Variants in USH2A observed in about 807,000 individuals in gnomAD.
USH2A encodes the protein usherin, also known as Usher syndrome 2A (autosomal recessive, mild).
USH2A carries 443 observed loss-of-function variants against 538.9 expected under a neutral mutation model. The ratio of observed to expected loss-of-function variants is 0.82; its 90% CI spans 0.76 to 0.89. USH2A has a LOEUF of 0.89. Among genes scored for constraint, USH2A ranks in the 40% least tolerant of loss-of-function variants. The probability of loss-of-function intolerance (pLI) is 0.00; values close to 1 mark genes in which losing one functional copy is unlikely to be tolerated. For missense variants in USH2A, 6,633 were observed against 6,324.8 expected (o/e 1.05, Z -1.65); for synonymous variants, 2,413 against 2,273.5 (o/e 1.06, Z -1.75).
chr1:216,167,696 G>A (rs986401490), intron 21 of USH2A, among the ~76,000 whole-genome samples: 1 of 151,982 alleles, frequency 6.6e-6, no homozygotes, highest in Admixed American at 6.6e-5. Context: ...CACCCACTTG[G>A]CCCTCTTCCA....
intron 12 of USH2A, among the ~76,000 whole-genome samples, chr1:216,248,548 A>G (rs2036097188): frequency 6.6e-6 from 1 of 152,014 alleles, no homozygotes; most frequent in Non-Finnish European, 1.5e-5. Flanking sequence ...ATATATATGT[A>G]TATATATGGA....
intron 35 of USH2A, among the ~76,000 whole-genome samples, chr1:215,974,803 G>A (rs915769579): frequency 1.4e-4 from 21 of 152,058 alleles, no homozygotes; most frequent in Admixed American, 8.5e-4. Context: ...ATGAACACAC[G>A]AGTGCATGTT....
intron 55 of USH2A, among the ~76,000 whole-genome samples, chr1:215,774,935 C>T (rs1298250345): frequency 6.8e-6 from 1 of 147,870 alleles, no homozygotes; most frequent in African/African-American, 2.5e-5. Context: ...TTTGGTCAGG[C>T]ACAAATTTAG....
intron 17 of USH2A, among the ~76,000 whole-genome samples, chr1:216,198,855 C>T (rs2034917831): frequency 1.3e-5 from 2 of 152,072 alleles, no homozygotes; most frequent in Non-Finnish European, 2.9e-5. Context: ...AAATGGATAA[C>T]ACATAGACAA....
At chr1:215,803,293 C>G (rs1446506500) in intron 49 of USH2A, among the ~76,000 whole-genome samples, 1 of 152,062 alleles carries the variant, frequency 6.6e-6, no homozygotes, top group Non-Finnish European at 1.5e-5. Context: ...GGCAACCAGG[C>G]AGGAGAAGGA....
chr1:216,377,258 T>A (rs988036384), intron 3 of USH2A, among the ~76,000 whole-genome samples: 1 of 152,178 alleles, frequency 6.6e-6, no homozygotes, highest in Non-Finnish European at 1.5e-5. Context: ...TGTTTCAAGG[T>A]AGTCCTTTCT....
chr1:215,952,996 C>G (rs1666962082), intron 37 of USH2A, among the ~76,000 whole-genome samples: 1 of 152,086 alleles, frequency 6.6e-6, no homozygotes, highest in Non-Finnish European at 1.5e-5. Context: ...ACCTAGGAAT[C>G]CAACTTACAA....
chr1:216,140,297 G>A (rs2033575978), intron 21 of USH2A, among the ~76,000 whole-genome samples: 1 of 152,042 alleles, frequency 6.6e-6, no homozygotes, highest in Non-Finnish European at 1.5e-5. Flanking sequence ...ACAGTGCACG[G>A]CACATAGTAG....
Position 215,782,159 on chromosome 1 carries a change from A to T in USH2A, c.10623T>A (p.Ile3541=). 1 of 1,614,018 alleles carries T rather than the reference A, an allele frequency of 6.2e-7. No homozygotes were observed. ...IIYYILLRNG[I]ERFRGTSLSF... is the part of the protein sequence containing the mutation. ...TCAGTGATGTTCCCCGAAAACGTTC[A>T]ATTCCATTTCGAAGAAGGATGTAGT... is the stretch of plus-strand genomic sequence containing the variant. Residue 3541 remains isoleucine, a synonymous_variant, in exon 54 of 72, where the codon ATT becomes ATA. Transcript: ENST00000307340.
At chr1:216,403,063 T>C (rs1203779614) in intron 3 of USH2A, among the ~76,000 whole-genome samples, 2 of 152,138 alleles carry the variant, frequency 1.3e-5, no homozygotes, top group Non-Finnish European at 2.9e-5. Context: ...AATTGTATAC[T>C]ACATATACTA....
chr1:216,250,482 G>C (rs1409453835), intron 12 of USH2A, among the ~76,000 whole-genome samples: 1 of 152,116 alleles, frequency 6.6e-6, no homozygotes, highest in African/African-American at 2.4e-5. Flanking sequence ...GGACCCTGTA[G>C]CACAGAATAT....
At chr1:215,943,402 T>G (rs1156534312) in intron 37 of USH2A, among the ~76,000 whole-genome samples, 1 of 152,136 alleles carries the variant, frequency 6.6e-6, no homozygotes, top group African/African-American at 2.4e-5. Flanking sequence ...AATGGTATGA[T>G]GAAAAGCCTT....
At chr1:216,279,460 T>C (rs2036731545) in intron 11 of USH2A, among the ~76,000 whole-genome samples, 1 of 152,132 alleles carries the variant, frequency 6.6e-6, no homozygotes, top group African/African-American at 2.4e-5. Flanking sequence ...ACATTCAGCT[T>C]CTTTGGTCTA....
At position 215,965,442 on chromosome 1, in the gene USH2A, G is replaced by C. The variant is rs780150938; in HGVS notation, c.6995C>G (p.Thr2332Arg). 6.8e-6 allele frequency: 11 copies of C among 1,613,558 alleles called. No homozygotes were observed. In the South Asian group the frequency reaches 1.1e-4, roughly 16 times the overall value. The stretch of plus-strand genomic sequence containing the variant: ...CTGTGTTTTGACAAACACATTTACT[G>C]TTCCTTCAGGAGGAGCTTCTAGAGT... ...NRTLEAPPEG[T>R]VNVFVKTQGS... is the part of the protein sequence containing the mutation. The change falls in exon 37 of 72, where the codon ACA becomes AGA. Residue 2332 changes from threonine (T) to arginine (R), a missense_variant. Coordinates refer to ENST00000307340, the MANE Select transcript of USH2A (RefSeq NM_206933.4).
chr1:215,707,421 T>C (rs201377163), intron 61 of USH2A, among the ~76,000 whole-genome samples: 1 of 152,186 alleles, frequency 6.6e-6, no homozygotes, highest in Admixed American at 6.5e-5. Flanking sequence ...TTCTAACAGT[T>C]AGTATCTTTC....
At chr1:215,795,991 A>G (rs1159489003) in intron 50 of USH2A, among the ~76,000 whole-genome samples, 1 of 123,196 alleles carries the variant, frequency 8.1e-6, no homozygotes, top group African/African-American at 3.1e-5. Context: ...ACATTCTAAC[A>G]TATTTATGAA....
intron 50 of USH2A, among the ~76,000 whole-genome samples, chr1:215,794,250 T>C (rs1295416573): frequency 6.6e-6 from 1 of 152,204 alleles, no homozygotes; most frequent in African/African-American, 2.4e-5. Context: ...ACCAGGGAGA[T>C]TTGATTTGGT....
At chr1:215,905,311 T>A (rs974981196) in intron 38 of USH2A, among the ~76,000 whole-genome samples, 1 of 152,046 alleles carries the variant, frequency 6.6e-6, no homozygotes, top group African/African-American at 2.4e-5. Context: ...TTTTGTTTTT[T>A]GCCTGTGTGT....
chr1:216,013,416 A>G (rs1210915396), intron 32 of USH2A, among the ~76,000 whole-genome samples: 1 of 151,504 alleles, frequency 6.6e-6, no homozygotes, highest in Non-Finnish European at 1.5e-5. Context: ...ACACTTTACC[A>G]CTATTTCATT....
Sources: gnomAD v4.1 joint callset for allele counts (sites outside exome capture counted in the v4.1 genomes callset) on GRCh38, gnomAD v4.1.1 for gene constraint, MANE v1.5 for transcripts, NCBI Gene and HGNC (gene_info 2026-07-23, HGNC 2026-07-21) for gene names.